The following TBL3 variants were observed in gnomAD, a reference collection of about 807,000 sequenced individuals.
TBL3 encodes the protein transducin beta like 3.
A neutral mutation model predicts 102.7 loss-of-function variants in TBL3; 71 were observed. The observed-to-expected ratio is 0.69, with a 90% CI of 0.57 to 0.84. The LOEUF is 0.84. Ranked by LOEUF, TBL3 falls within the 40% of genes least tolerant of loss-of-function variation. TBL3 has a pLI of 0.00. For missense variants in TBL3, 1,188 were observed against 1,098.5 expected, an observed-to-expected ratio of 1.08 and a Z score of -1.15; for synonymous variants, 578 against 477.7, an observed-to-expected ratio of 1.21 and a Z score of -2.74.
In TBL3 at chr16:1,975,643, T is replaced by C; in HGVS notation, c.920T>C (p.Val307Ala). Residue 307 changes from valine (V) to alanine (A), a missense_variant, in exon 10 of 22, where the codon GTC becomes GCC. By Grantham distance (64) the Val-to-Ala change is moderately conservative. Transcript: ENST00000568546. ...ACCCTGGCACACACCGCCGGCGTGGTCCTCACCGCCACCGCCGACCACAAC... is the reference window on the plus strand; with the variant it reads ...ACCCTGGCACACACCGCCGGCGTGGCCCTCACCGCCACCGCCGACCACAAC... Reference protein sequence around the residue: ...HCTLAHTAGVVLTATADHNLL... With the variant: ...HCTLAHTAGVALTATADHNLL... The C allele has an allele frequency of 6.2e-7, 1 of 1,605,728 alleles. No homozygotes were observed. The highest frequency in any genetic ancestry group is 1.1e-5 in the South Asian group (1 of 91,046).
chr16:1,973,021 G>A (rs552312868), intron 1 of TBL3, among the ~76,000 whole-genome samples: 1 of 152,316 alleles, frequency 6.6e-6, no homozygotes, highest in South Asian at 2.1e-4. Flanking sequence ...AAAGAAAGCA[G>A]AGGCAAGGGT....
chr16:1,981,268 AC>A lies in TBL3; in HGVS notation c.*2588del. 2 of 1,570,388 alleles carry A rather than the reference AC, an allele frequency of 1.3e-6. No homozygotes were observed. Among genetic ancestry groups the A allele is most frequent in the Non-Finnish European group, 8.6e-7 (1 of 1,159,854 alleles). On this transcript the variant is annotated 3_prime_UTR_variant, in exon 22 of 22. Coordinates refer to ENST00000568546, the MANE Select transcript of TBL3 (RefSeq NM_006453.3). Reference sequence around the variant, plus strand: ...GAGAGGGCTCTGGGGGACCCAGAAAACCCCCTGGGATAGAATCCTGGCAACA... The same window carrying A: ...GAGAGGGCTCTGGGGGACCCAGAAAACCCCTGGGATAGAATCCTGGCAACA...
In TBL3 at chr16:1,975,037, A is replaced by C. The variant is rs767112487; in HGVS notation, c.574A>C (p.Thr192Pro). The C allele has an allele frequency of 4.4e-6, 7 of 1,607,394 alleles. No individual in the cohort carries two copies. In the South Asian group the frequency reaches 5.5e-5, roughly 13 times the overall value. The change falls in exon 7 of 22, where the codon ACT becomes CCT. Residue 192 changes from threonine to proline, a missense_variant. Coordinates refer to ENST00000568546, the MANE Select transcript of TBL3 (RefSeq NM_006453.3). The part of the protein sequence containing the change: ...LQDRSCLAVL[T>P]AHYSAVTSLA... ...GGACCGGTCATGCCTGGCTGTGCTG[A>C]CTGCCCACTACAGCGCCGTCACCTC...
At chr16:1,977,334 T>C (rs1288106361) in intron 15 of TBL3, 22 bp from the exon 16 acceptor site, 5 of 1,613,360 alleles carry the variant, frequency 3.1e-6, no homozygotes, top group Non-Finnish European at 3.4e-6. Flanking sequence ...TGACATCTCA[T>C]GCCCTACCCC....
chr16:1,982,037 C>T lies in TBL3; in HGVS notation c.*3352C>T, dbSNP rs1043830135. The T allele has an allele frequency of 2.0e-5, 3 of 152,290 alleles. No individual in the cohort carries two copies. The highest frequency in any genetic ancestry group is 7.2e-5 in the African/African-American group (3 of 41,554). 9.4% of individuals were successfully genotyped at this position (152,290 alleles called of 1,614,324 possible). Reference sequence around the variant, plus strand: ...CTGGGCAGAGGCTCGCCCAGGTGCCCCACCTCTCTGGCTGCTTCCTTATAG... The same window carrying T: ...CTGGGCAGAGGCTCGCCCAGGTGCCTCACCTCTCTGGCTGCTTCCTTATAG... On this transcript the variant is annotated 3_prime_UTR_variant, in exon 22 of 22. Transcript: ENST00000568546.
chr16:1,974,642 C>G lies in TBL3; in HGVS notation c.342C>G (p.Thr114=). The G allele has an allele frequency of 6.2e-7, 1 of 1,609,538 alleles. No individual in the cohort carries two copies. ...CGATACACACGGCCCCCGTGGCCACCATGGCCTTCGACCCCACCTCCACTC... is the reference window on the plus strand; with the variant it reads ...CGATACACACGGCCCCCGTGGCCACGATGGCCTTCGACCCCACCTCCACTC... ...WKAIHTAPVA[T]MAFDPTSTLL... Residue 114 remains threonine, a synonymous_variant, in exon 5 of 22, where the codon ACC becomes ACG. Transcript: ENST00000568546.
At position 1,974,723 on chromosome 16, in the gene TBL3, G is replaced by A. The variant is rs768163581; in HGVS notation, c.380-40G>A. 4 of 1,611,890 alleles carry A rather than the reference G, an allele frequency of 2.5e-6. No homozygotes were observed. The African/African-American group carries it at 5.3e-5, about 22-fold the overall frequency. On this transcript the variant is annotated intron_variant, in intron 5 of 21. Coordinates refer to ENST00000568546, the MANE Select transcript of TBL3 (RefSeq NM_006453.3). ...GGTGGGTCGTGGGCACAGATGCAGG[G>A]GCTTTGGGCATTCCACCCCCTCACC...
At chr16:1,972,600 G>A (rs1466067960) in intron 1 of TBL3, among the ~76,000 whole-genome samples, 1 of 152,236 alleles carries the variant, frequency 6.6e-6, no homozygotes, top group Non-Finnish European at 1.5e-5. Flanking sequence ...TCTTCTCCAG[G>A]GAGCAGGGAG....
rs1305198989 is a variant in TBL3 at position 1,980,892 on chromosome 16, G to C, written c.*2207G>C. On this transcript the variant is annotated 3_prime_UTR_variant, in exon 22 of 22. Coordinates refer to ENST00000568546, the MANE Select transcript of TBL3 (RefSeq NM_006453.3). The stretch of plus-strand genomic sequence containing the variant: ...AGGCAGTCCAGTGGGAGGCAGCCGC[G>C]TGGGGAAGCCGCCACCGCGGCATCA... 1.9e-6 allele frequency: 3 copies of C among 1,550,578 alleles called. No individual in the cohort carries two copies. Among genetic ancestry groups the C allele is most frequent in the Admixed American group, 1.7e-5 (1 of 59,070 alleles).
intron 7 of TBL3, 35 bp downstream of exon 7, chr16:1,975,133 G>C (rs778744904): frequency 1.9e-6 from 3 of 1,613,236 alleles, no homozygotes; most frequent in Non-Finnish European, 2.5e-6. Context: ...GGGGAGGCTT[G>C]GAAAGTGGGG....
At chr16:1,973,711 C>T (rs1409056659) in intron 1 of TBL3, among the ~76,000 whole-genome samples, 1 of 152,086 alleles carries the variant, frequency 6.6e-6, no homozygotes, top group Non-Finnish European at 1.5e-5. Flanking sequence ...GCTACCCAGG[C>T]CTGGCCACCC....
In TBL3 at chr16:1,980,202, G is replaced by A. The variant is rs201337633; in HGVS notation, c.*1517G>A. 217 of 1,585,412 alleles carry A rather than the reference G, an allele frequency of 1.4e-4. No individual in the cohort carries two copies. The African/African-American group carries it at 2.6e-3, about 19-fold the overall frequency. On this transcript the variant is annotated 3_prime_UTR_variant, in exon 22 of 22. Coordinates refer to ENST00000568546, the MANE Select transcript of TBL3 (RefSeq NM_006453.3). Reference sequence around the variant, plus strand: ...CCCGGCTGGGAAGGGCAGCCCGTACGAGTGAGAGGTAGGCGGATGGGGAGG... The same window carrying A: ...CCCGGCTGGGAAGGGCAGCCCGTACAAGTGAGAGGTAGGCGGATGGGGAGG...
Position 1,977,059 on chromosome 16 carries a change from C to G in TBL3, c.1446C>G (p.Ile482Met). 6.2e-7 allele frequency: 1 copy of G among 1,613,260 alleles called. No homozygotes were observed. The highest frequency in any genetic ancestry group is 8.5e-7 in the Non-Finnish European group (1 of 1,179,932). Residue 482 changes from isoleucine to methionine, a missense_variant, in exon 15 of 22, where the codon ATC becomes ATG. Ile to Met is a conservative substitution (Grantham distance 10). Coordinates refer to ENST00000568546, the MANE Select transcript of TBL3 (RefSeq NM_006453.3). Reference sequence around the variant, plus strand: ...CCACCTTCTCCCATTGCCAGGACATCAACAGCGTGGCTATTGCCCCCAACG... The same window carrying G: ...CCACCTTCTCCCATTGCCAGGACATGAACAGCGTGGCTATTGCCCCCAACG... ...QTTQRCHDKD[I>M]NSVAIAPNDK... is the part of the protein sequence containing the mutation.
Position 1,972,221 on chromosome 16 carries a change from T to G in TBL3, c.41+16T>G. Reference sequence around the variant, plus strand: ...TCAAGACCAAGTGAGCCCGGAGCTCTGGGGCCGTGCGGGGAGGGAGCTGGG... The same window carrying G: ...TCAAGACCAAGTGAGCCCGGAGCTCGGGGGCCGTGCGGGGAGGGAGCTGGG... On this transcript the variant is annotated intron_variant, in intron 1 of 21. Coordinates refer to ENST00000568546, the MANE Select transcript of TBL3 (RefSeq NM_006453.3). 1 of 1,376,548 alleles carries G rather than the reference T, an allele frequency of 7.3e-7. No homozygotes were observed. Among genetic ancestry groups the G allele is most frequent in the Non-Finnish European group, 9.4e-7 (1 of 1,058,310 alleles). 85.3% of individuals were successfully genotyped at this position (1,376,548 alleles called of 1,614,324 possible). A position where few individuals can be genotyped will look rare whatever the true frequency, so the allele number is the denominator to read the frequency against.
chr16:1,980,458 C>T lies in TBL3; in HGVS notation c.*1773C>T. ...CTCCGTGCCACGCGCTCTGCAGTCG[C>T]CAGCAGCCTCCGAGAATAGGTTTCC... On this transcript the variant is annotated 3_prime_UTR_variant, in exon 22 of 22. Transcript: ENST00000568546. 6.2e-7 allele frequency: 1 copy of T among 1,601,908 alleles called. No homozygotes were observed. The highest frequency in any genetic ancestry group is 8.5e-7 in the Non-Finnish European group (1 of 1,179,854).
In TBL3 at chr16:1,975,389, G is replaced by A. The variant is rs1401727000; in HGVS notation, c.756G>A (p.Gln252=). The change falls in exon 9 of 22, where the codon CAG becomes CAA. Residue 252 remains glutamine (Q), a synonymous_variant. Transcript: ENST00000568546. ...TGTTGCCAGAGGAGCCAGTGTCCCA[G>A]CTGGGTGTGAAGTCCCCAGGGCTGT... The part of the protein sequence containing the change: ...AVLLPEEPVS[Q]LGVKSPGLYF... 1 of 1,613,998 alleles carries A rather than the reference G, an allele frequency of 6.2e-7. No individual in the cohort carries two copies.
chr16:1,976,863 C>T lies in TBL3; in HGVS notation c.1342C>T (p.Leu448=). Residue 448 remains leucine (L), a synonymous_variant, in exon 14 of 22, where the codon CTG becomes TTG. Coordinates refer to ENST00000568546, the MANE Select transcript of TBL3 (RefSeq NM_006453.3). ...VTGSQDCTVK[L]WPLPKALLSK... is the part of the protein sequence containing the mutation. ...AGGCAGCCAGGACTGCACTGTGAAG[C>T]TGTGGCCTCTTCCCAAAGCCTTGCT... 6.2e-7 allele frequency: 1 copy of T among 1,613,932 alleles called. No individual in the cohort carries two copies. The highest frequency in any genetic ancestry group is 8.5e-7 in the Non-Finnish European group (1 of 1,180,012).
At position 1,980,088 on chromosome 16, in the gene TBL3, G is replaced by A. The variant is rs977535884; in HGVS notation, c.*1403G>A. On this transcript the variant is annotated 3_prime_UTR_variant, in exon 22 of 22. Transcript: ENST00000568546. ...TGTCCTGGGTACAGAAGGGCTGCAGGCAGCGCAGGCTCTGAGCCTCCAGAC... is the reference window on the plus strand; with the variant it reads ...TGTCCTGGGTACAGAAGGGCTGCAGACAGCGCAGGCTCTGAGCCTCCAGAC... 1.2e-6 allele frequency: 2 copies of A among 1,607,474 alleles called. No individual in the cohort carries two copies. Among genetic ancestry groups the A allele is most frequent in the Middle Eastern group, 2.0e-4 (1 of 5,090 alleles).
In TBL3 at chr16:1,980,642, CA is replaced by C; in HGVS notation, c.*1958del. The C allele has an allele frequency of 6.2e-7, 1 of 1,602,074 alleles. No homozygotes were observed. The highest frequency in any genetic ancestry group is 8.5e-7 in the Non-Finnish European group (1 of 1,174,082). ...CCACCGCCTTCCCCGCTCCCGTACCCAGGCTGGCCTGACCGAGAAGCTTTGG... is the reference window on the plus strand; with the variant it reads ...CCACCGCCTTCCCCGCTCCCGTACCCGGCTGGCCTGACCGAGAAGCTTTGG... On this transcript the variant is annotated 3_prime_UTR_variant, in exon 22 of 22. Transcript: ENST00000568546.
Sources: gnomAD v4.1 joint callset for allele counts (sites outside exome capture counted in the v4.1 genomes callset) on GRCh38, gnomAD v4.1.1 for gene constraint, MANE v1.5 for transcripts, NCBI Gene and HGNC (gene_info 2026-07-23, HGNC 2026-07-21) for gene names.